The following DPH6 variants were observed in gnomAD, a reference collection of about 807,000 sequenced individuals.
DPH6 encodes diphthine--ammonia ligase.
DPH6 carries 33 observed loss-of-function variants against 38.2 expected under a neutral mutation model. That is an observed-to-expected ratio of 0.86 (90% confidence interval 0.65 to 1.15). The LOEUF is 1.15. Among genes scored for constraint, DPH6 ranks in the 50% most tolerant of loss-of-function variants. The probability of loss-of-function intolerance (pLI) is 0.00; values close to 1 mark genes in which losing one functional copy is unlikely to be tolerated. For synonymous variants in DPH6, 108 were observed against 103.0 expected (o/e 1.05, Z -0.30); for missense variants, 325 against 320.0 (o/e 1.02, Z -0.12).
At chr15:35,476,364 A>G (rs1160144612) in intron 3 of DPH6, among the ~76,000 whole-genome samples, 1 of 151,792 alleles carries the variant, frequency 6.6e-6, no homozygotes, top group Non-Finnish European at 1.5e-5. Flanking sequence ...AGAAGAACTG[A>G]GAAGGTTCAG....
intron 7 of DPH6, among the ~76,000 whole-genome samples, chr15:35,377,492 C>T (rs115828120): frequency 0.016 from 2,364 of 152,188 alleles, 53 homozygotes; most frequent in African/African-American, 0.054. Flanking sequence ...CTTTCATTAA[C>T]ACTACCTTAA....
At chr15:35,359,869 T>C (rs1158579103) in intron 3 of DPH6, among the ~76,000 whole-genome samples, 1 of 152,196 alleles carries the variant, frequency 6.6e-6, no homozygotes, top group East Asian at 1.9e-4. Flanking sequence ...TTAAGGTTTC[T>C]ATATTTTTTT....
intron 5 of DPH6, among the ~76,000 whole-genome samples, chr15:35,419,271 T>C (rs758134454): frequency 3.3e-5 from 5 of 152,108 alleles, no homozygotes; most frequent in Admixed American, 6.5e-5. Context: ...AGAATTTTTA[T>C]TTAAAAGAAC....
chr15:35,221,147 T>G (rs1252157288), intron 3 of DPH6, among the ~76,000 whole-genome samples: 1 of 152,218 alleles, frequency 6.6e-6, no homozygotes, highest in Non-Finnish European at 1.5e-5. Flanking sequence ...CTTGACTCCA[T>G]GTCCTGCCTC....
chr15:35,413,949 T>C (rs886423988), intron 5 of DPH6, among the ~76,000 whole-genome samples: 15 of 151,742 alleles, frequency 9.9e-5, no homozygotes, highest in African/African-American at 3.6e-4. Context: ...TTTACATACA[T>C]TCAAAACCAT....
At chr15:35,453,133 T>A (rs1240763184) in intron 4 of DPH6, among the ~76,000 whole-genome samples, 1 of 152,190 alleles carries the variant, frequency 6.6e-6, no homozygotes, top group African/African-American at 2.4e-5. Context: ...GGACTCCCAG[T>A]AACATTACTT....
chr15:35,490,244 A>G, intron 3 of DPH6: 3 of 959,640 alleles, frequency 3.1e-6, no homozygotes, highest in Non-Finnish European at 3.7e-6. Flanking sequence ...AAAACAAATA[A>G]GAAGACAGGC....
chr15:35,177,716 G>T, the DPH6 span, among the ~76,000 whole-genome samples: 2 of 151,972 alleles, frequency 1.3e-5, no homozygotes, highest in Non-Finnish European at 2.9e-5. Flanking sequence ...AAGGTGGGCA[G>T]ATCACCTGAG....
chr15:35,500,226 TG>T (rs2054608966), intron 3 of DPH6, among the ~76,000 whole-genome samples: 1 of 152,174 alleles, frequency 6.6e-6, no homozygotes, highest in African/African-American at 2.4e-5. Context: ...GAAATAGTGA[TG>T]GGCTCTCCTT....
chr15:35,444,653 T>C lies in DPH6; in HGVS notation c.505+6032A>G, dbSNP rs2141064798. On this transcript the variant is annotated intron_variant, in intron 5 of 8. Transcript: ENST00000256538. The stretch of plus-strand genomic sequence containing the variant: ...TTTAAAAGTCTTTCCTACATAAGAG[T>C]ATAAGCCCTCTTCTTGCACTGTTGA... 1.3e-5 allele frequency among the ~76,000 whole-genome samples: 2 copies of C among 152,160 alleles called. 1 individual carries two copies. The highest frequency in any genetic ancestry group is 4.2e-4 in the South Asian group (2 of 4,818).
At chr15:35,375,899 G>C (rs530560374) in intron 7 of DPH6, among the ~76,000 whole-genome samples, 1 of 151,934 alleles carries the variant, frequency 6.6e-6, no homozygotes, top group South Asian at 2.1e-4. Context: ...GGACAACTAC[G>C]CTAAGCTGGG....
chr15:35,200,110 G>C, the DPH6 span, among the ~76,000 whole-genome samples: 3 of 152,160 alleles, frequency 2.0e-5, no homozygotes, highest in African/African-American at 7.2e-5. Flanking sequence ...AAATTGGCTT[G>C]GGTTCTCCAT....
the DPH6 span, among the ~76,000 whole-genome samples, chr15:35,204,253 C>A: frequency 6.6e-6 from 1 of 151,524 alleles, no homozygotes; most frequent in African/African-American, 2.4e-5. Context: ...GAAATTAAGG[C>A]TTGGAAAAAA....
At chr15:35,224,601 T>C (rs1431895795) in intron 3 of DPH6, among the ~76,000 whole-genome samples, 2 of 152,252 alleles carry the variant, frequency 1.3e-5, no homozygotes, top group Non-Finnish European at 2.9e-5. Context: ...GCACAGTCGC[T>C]GGATCTTATG....
At chr15:35,253,342 C>T (rs1428476714) in intron 3 of DPH6, among the ~76,000 whole-genome samples, 1 of 152,056 alleles carries the variant, frequency 6.6e-6, no homozygotes, top group African/African-American at 2.4e-5. Flanking sequence ...CCATTTTTTT[C>T]GGCTAAAGCA....
chr15:35,153,613 A>G, the DPH6 span, among the ~76,000 whole-genome samples: 1 of 152,154 alleles, frequency 6.6e-6, no homozygotes, highest in African/African-American at 2.4e-5. Context: ...ATCATAATGA[A>G]TTTAGTATGT....
At chr15:35,310,608 C>A (rs2140823371) in intron 3 of DPH6, among the ~76,000 whole-genome samples, 1 of 152,158 alleles carries the variant, frequency 6.6e-6, no homozygotes, top group African/African-American at 2.4e-5. Context: ...TAGAACTACT[C>A]AAAACAATAT....
At chr15:35,414,895 C>T (rs7172801) in intron 5 of DPH6, among the ~76,000 whole-genome samples, 55,452 of 151,504 alleles carry the variant, frequency 0.37, 12,155 homozygotes, top group African/African-American at 0.62. Context: ...TTCTAATAAT[C>T]ACTTTTTTAA....
At chr15:35,544,844 CT>C (rs2055320492) in intron 1 of DPH6, among the ~76,000 whole-genome samples, 1 of 152,200 alleles carries the variant, frequency 6.6e-6, no homozygotes, top group South Asian at 2.1e-4. Flanking sequence ...TTGTGCTTTA[CT>C]TTAATCGTTA....
Sources: allele counts gnomAD v4.1 joint callset (sites outside exome capture counted in the v4.1 genomes callset), GRCh38; gene constraint gnomAD v4.1.1; transcripts MANE v1.5; gene names NCBI Gene and HGNC (gene_info 2026-07-23, HGNC 2026-07-21).